Variants in ZNF469 observed in about 807,000 individuals in gnomAD.
The protein encoded by ZNF469 is zinc finger protein 469.
ZNF469 carries 1 observed loss-of-function variant against 1.0 expected under a neutral mutation model. The ratio of observed to expected loss-of-function variants is 1.00; its 90% CI spans 0.35 to 4.73. ZNF469 has a LOEUF of 4.73. Among genes scored for constraint, ZNF469 ranks in the 30% most tolerant of loss-of-function variants. The pLI is 0.16. For synonymous variants in ZNF469, 2,703 were observed against 2,363.4 expected (o/e 1.14, Z -4.17); for missense variants, 6,100 against 5,356.3 (o/e 1.14, Z -4.33).
At chr16:88,380,460 C>A, upstream of ZNF469, among the ~76,000 whole-genome samples, 1 of 133,594 alleles carries the variant, frequency 7.5e-6, no homozygotes, top group Non-Finnish European at 1.5e-5. Context: ...CAGACATGCA[C>A]ACACACATGC....
the ZNF469 span, among the ~76,000 whole-genome samples, chr16:88,164,072 G>T: frequency 6.7e-6 from 1 of 149,938 alleles, no homozygotes; most frequent in Non-Finnish European, 1.5e-5. Flanking sequence ...TGAATGGATG[G>T]GTTGGTGGGT....
At chr16:88,175,277 C>A in the ZNF469 span, among the ~76,000 whole-genome samples, 2 of 152,144 alleles carry the variant, frequency 1.3e-5, no homozygotes, top group Non-Finnish European at 2.9e-5. Context: ...TCATCAGAGC[C>A]CTCTCTCAAC....
upstream of ZNF469, among the ~76,000 whole-genome samples, chr16:88,379,009 C>G (rs556835296): frequency 2.0e-5 from 3 of 152,322 alleles, no homozygotes; most frequent in African/African-American, 7.2e-5. Flanking sequence ...ACACCCAGGC[C>G]ATCAGCGCTG....
At chr16:88,129,281 G>A in the ZNF469 span, among the ~76,000 whole-genome samples, 3 of 152,106 alleles carry the variant, frequency 2.0e-5, no homozygotes, top group Non-Finnish European at 2.9e-5. Flanking sequence ...GGGTCGTCTC[G>A]GCCTCTGGTG....
the ZNF469 span, among the ~76,000 whole-genome samples, chr16:88,332,056 C>T: frequency 7.2e-5 from 11 of 152,208 alleles, no homozygotes; most frequent in African/African-American, 2.7e-4. Flanking sequence ...CCCCCGAGTC[C>T]CCTTTGGCAG....
At chr16:88,413,364 C>T (rs1905225225) in intron 1 of ZNF469, among the ~76,000 whole-genome samples, 1 of 152,140 alleles carries the variant, frequency 6.6e-6, no homozygotes, top group Non-Finnish European at 1.5e-5. Flanking sequence ...ACCTGTGGGC[C>T]CTGGAGGTGG....
chr16:88,110,801 A>G, the ZNF469 span, among the ~76,000 whole-genome samples: 1 of 152,186 alleles, frequency 6.6e-6, no homozygotes, highest in African/African-American at 2.4e-5. Flanking sequence ...GGCTCTAACA[A>G]ATGGATTTCC....
At chr16:88,224,679 C>G in the ZNF469 span, among the ~76,000 whole-genome samples, 12 of 152,200 alleles carry the variant, frequency 7.9e-5, no homozygotes, top group African/African-American at 2.9e-4. Flanking sequence ...GGCAAGGCCG[C>G]GAGCTCTGCC....
At chr16:88,207,861 G>C in the ZNF469 span, among the ~76,000 whole-genome samples, 42 of 151,948 alleles carry the variant, frequency 2.8e-4, no homozygotes, top group African/African-American at 8.9e-4. Context: ...TCCACATCTC[G>C]ATCCCATCTG....
chr16:88,409,465 C>A (rs906715290), intron 1 of ZNF469, among the ~76,000 whole-genome samples: 2 of 152,064 alleles, frequency 1.3e-5, no homozygotes, highest in African/African-American at 4.8e-5. Flanking sequence ...CCTGCATCCT[C>A]GGGGCAGCAG....
chr16:88,200,093 A>G, the ZNF469 span, among the ~76,000 whole-genome samples: 1 of 150,980 alleles, frequency 6.6e-6, no homozygotes, highest in Non-Finnish European at 1.5e-5. Flanking sequence ...CGGGGGGAGG[A>G]TGACAGGTGA....
chr16:88,215,520 G>C, the ZNF469 span, among the ~76,000 whole-genome samples: 2 of 149,946 alleles, frequency 1.3e-5, no homozygotes, highest in East Asian at 3.9e-4. Flanking sequence ...CTCCCAAGTA[G>C]CTGGGATTAC....
chr16:88,224,277 C>T, the ZNF469 span, among the ~76,000 whole-genome samples: 1 of 152,172 alleles, frequency 6.6e-6, no homozygotes, highest in Non-Finnish European at 1.5e-5. Context: ...CCCTCCTGAC[C>T]CCAGGATTAT....
chr16:88,228,122 A>G, the ZNF469 span, among the ~76,000 whole-genome samples: 1 of 152,266 alleles, frequency 6.6e-6, no homozygotes, highest in South Asian at 2.1e-4. Context: ...TCACGCCTGT[A>G]AAGACCCTCT....
the ZNF469 span, among the ~76,000 whole-genome samples, chr16:88,175,636 G>A: frequency 6.6e-6 from 1 of 152,210 alleles, no homozygotes; most frequent in South Asian, 2.1e-4. Flanking sequence ...AAAAATATTT[G>A]GAACTGCGTG....
At chr16:88,251,417 C>G in the ZNF469 span, among the ~76,000 whole-genome samples, 69 of 152,042 alleles carry the variant, frequency 4.5e-4, no homozygotes, top group Admixed American at 3.4e-3. Flanking sequence ...TCGGCAGCAG[C>G]TCTGGAATCT....
At chr16:88,190,060 G>A in the ZNF469 span, among the ~76,000 whole-genome samples, 2 of 112,208 alleles carry the variant, frequency 1.8e-5, no homozygotes, top group South Asian at 3.0e-4. Flanking sequence ...TTGTTGCCTT[G>A]TCTTGACCCT....
At chr16:88,268,977 T>A in the ZNF469 span, among the ~76,000 whole-genome samples, 1 of 152,180 alleles carries the variant, frequency 6.6e-6, no homozygotes, top group African/African-American at 2.4e-5. Flanking sequence ...TGGAAGGGCA[T>A]GGAAGGTCAC....
chr16:88,135,748 G>GTTTTATTCTTTTTTTTTT, the ZNF469 span, among the ~76,000 whole-genome samples: 9 of 66,930 alleles, frequency 1.3e-4, 4 homozygotes, highest in Non-Finnish European at 2.1e-4. Flanking sequence ...AGCTGGCCAT[G>GTTTTATTCTTTTTTTTTT]TTTTTTTTTT....
Sources: gnomAD v4.1 joint callset for allele counts (sites outside exome capture counted in the v4.1 genomes callset) on GRCh38, gnomAD v4.1.1 for gene constraint, MANE v1.5 for transcripts, NCBI Gene and HGNC (gene_info 2026-07-23, HGNC 2026-07-21) for gene names.